The following CORIN variants were observed in gnomAD, a reference collection of about 807,000 sequenced individuals.
CORIN encodes atrial natriuretic peptide-converting enzyme.
CORIN carries 117 observed loss-of-function variants against 125.3 expected under a neutral mutation model. The observed-to-expected ratio is 0.93, with a 90% CI of 0.80 to 1.09. The LOEUF (loss-of-function observed/expected upper bound fraction) is 1.09, where lower values mean the gene tolerates loss of function less well. CORIN is among the 50% of genes least tolerant of loss of function. CORIN has a pLI of 0.00. For missense variants in CORIN, 1,253 were observed against 1,306.7 expected (o/e 0.96, Z 0.63); for synonymous variants, 450 against 466.4 (o/e 0.96, Z 0.45).
chr4:47,683,591 T>C (rs1392856668), intron 7 of CORIN, 140 bp downstream of exon 7: 4 of 607,622 alleles, frequency 6.6e-6, no homozygotes, highest in Admixed American at 3.2e-5. Flanking sequence ...CTGAACAAAC[T>C]TCCTCCTTCT....
intron 6 of CORIN, among the ~76,000 whole-genome samples, chr4:47,687,654 A>G (rs1050514134): frequency 1.3e-5 from 2 of 152,202 alleles, no homozygotes; most frequent in African/African-American, 4.8e-5. Flanking sequence ...TACAGTCTCT[A>G]TGACTATAAA....
At chr4:47,827,901 G>A (rs1732811654) in intron 1 of CORIN, among the ~76,000 whole-genome samples, 1 of 152,120 alleles carries the variant, frequency 6.6e-6, no homozygotes, top group Non-Finnish European at 1.5e-5. Context: ...ACCCATAGCT[G>A]CATACATAGG....
chr4:47,711,145 AC>A (rs1398626299), intron 5 of CORIN, among the ~76,000 whole-genome samples: 1 of 151,686 alleles, frequency 6.6e-6, no homozygotes, highest in East Asian at 1.9e-4. Flanking sequence ...CTCAAACCTG[AC>A]CCCTTGATCA....
intron 5 of CORIN, among the ~76,000 whole-genome samples, chr4:47,738,615 T>G (rs1179316276): frequency 1.3e-5 from 2 of 152,264 alleles, no homozygotes; most frequent in East Asian, 3.9e-4. Flanking sequence ...AGTTGAACAT[T>G]ATATTATTTT....
intron 10 of CORIN, among the ~76,000 whole-genome samples, chr4:47,668,447 C>T (rs2109681265): frequency 6.6e-6 from 1 of 152,346 alleles, no homozygotes; most frequent in South Asian, 2.1e-4. Context: ...CATACCATTC[C>T]TATCACCCTT....
chr4:47,749,320 C>A (rs1728798973), intron 4 of CORIN, among the ~76,000 whole-genome samples: 1 of 152,160 alleles, frequency 6.6e-6, no homozygotes, highest in African/African-American at 2.4e-5. Context: ...GCATTGCTAA[C>A]AGACTCTCTC....
chr4:47,786,218 G>T (rs1246469421), intron 3 of CORIN, among the ~76,000 whole-genome samples: 1 of 152,112 alleles, frequency 6.6e-6, no homozygotes, highest in African/African-American at 2.4e-5. Flanking sequence ...GAACATCTGG[G>T]CTAATGGCAT....
At chr4:47,837,770 A>C (rs1577969017) in intron 1 of CORIN, 117 bp downstream of exon 1, 1 of 910,890 alleles carries the variant, frequency 1.1e-6, no homozygotes, top group East Asian at 2.4e-5. Flanking sequence ...GCGGCTGGGG[A>C]AGGAGGTGGC....
chr4:47,669,497 C>T (rs1303033874), intron 10 of CORIN, among the ~76,000 whole-genome samples: 1 of 151,658 alleles, frequency 6.6e-6, no homozygotes, highest in East Asian at 1.9e-4. Context: ...AGGCAGACAC[C>T]GCAGAAACCT....
At chr4:47,777,834 C>G (rs534787160) in intron 3 of CORIN, among the ~76,000 whole-genome samples, 1 of 152,324 alleles carries the variant, frequency 6.6e-6, no homozygotes, top group African/African-American at 2.4e-5. Flanking sequence ...GCACAAGTAA[C>G]AGCAAACAGA....
chr4:47,728,708 A>C lies in CORIN; in HGVS notation c.799+15694T>G, dbSNP rs1412384776. ...GTAAGACCACAAATGTGGATTTCTG[A>C]TTGTGATTCTGAAATGTGATTCTGA... On this transcript the variant is annotated intron_variant, in intron 5 of 21. Transcript: ENST00000273857. 3.9e-5 allele frequency among the ~76,000 whole-genome samples: 6 copies of C among 152,194 alleles called. No individual in the cohort carries two copies. In the East Asian group the frequency reaches 1.2e-3, roughly 29 times the overall value.
chr4:47,621,622 A>G (rs1164668480), intron 19 of CORIN, among the ~76,000 whole-genome samples: 1 of 152,196 alleles, frequency 6.6e-6, no homozygotes, highest in Non-Finnish European at 1.5e-5. Flanking sequence ...AGTTTGGGGT[A>G]GGTTTTCCCT....
At chr4:47,803,305 A>G (rs1731625917) in intron 2 of CORIN, among the ~76,000 whole-genome samples, 1 of 152,248 alleles carries the variant, frequency 6.6e-6, no homozygotes, top group African/African-American at 2.4e-5. Flanking sequence ...GATTCCATGC[A>G]ATCCCTATCC....
At chr4:47,685,181 T>A (rs1463055301) in intron 6 of CORIN, among the ~76,000 whole-genome samples, 2 of 152,172 alleles carry the variant, frequency 1.3e-5, no homozygotes, top group African/African-American at 4.8e-5. Flanking sequence ...CTACCCAAGA[T>A]AAATTAAACA....
intron 16 of CORIN, among the ~76,000 whole-genome samples, chr4:47,628,976 G>A (rs138461809): frequency 3.7e-4 from 57 of 152,006 alleles, no homozygotes; most frequent in African/African-American, 1.3e-3. Flanking sequence ...TCATATCTTG[G>A]GTATTATGAA....
Position 47,623,659 on chromosome 4 carries a change from AAC to A in CORIN, c.2450_2451del (p.Cys817PhefsTer5). On this transcript the variant is annotated frameshift_variant, in exon 19 of 22. Coordinates refer to ENST00000273857, the MANE Select transcript of CORIN (RefSeq NM_006587.4). LOFTEE classifies it high-confidence loss of function. The part of the protein sequence containing the change: ...TSRPGRWPWQ[C>X]SLQSEPSGHI... ...TGTCCACTGGGTTCACTCTGCAGAGAACACTGCCATGGCCACCTTCCAGGGCG... is the reference window on the plus strand; with the variant it reads ...TGTCCACTGGGTTCACTCTGCAGAGAACTGCCATGGCCACCTTCCAGGGCG... 6.2e-7 allele frequency: 1 copy of A among 1,614,188 alleles called. No individual in the cohort carries two copies. The highest frequency in any genetic ancestry group is 8.5e-7 in the Non-Finnish European group (1 of 1,180,022).
At chr4:47,620,017 GA>G (rs1242751867) in intron 19 of CORIN, among the ~76,000 whole-genome samples, 7 of 152,236 alleles carry the variant, frequency 4.6e-5, no homozygotes, top group Admixed American at 2.6e-4. Flanking sequence ...GTGCTAGTTA[GA>G]TTTTTTTAAT....
At chr4:47,699,509 G>A (rs1274987688) in intron 5 of CORIN, among the ~76,000 whole-genome samples, 1 of 152,180 alleles carries the variant, frequency 6.6e-6, no homozygotes, top group African/African-American at 2.4e-5. Flanking sequence ...CTTCTAGAAT[G>A]CAATTTCCTT....
At chr4:47,615,602 A>T (rs62298032) in intron 19 of CORIN, among the ~76,000 whole-genome samples, 20,838 of 152,208 alleles carry the variant, frequency 0.14, 1,850 homozygotes, top group African/African-American at 0.24. Flanking sequence ...CAAGGAGAAC[A>T]CTGTCTGAAG....
Sources: allele counts gnomAD v4.1 joint callset (sites outside exome capture counted in the v4.1 genomes callset), GRCh38; gene constraint gnomAD v4.1.1; transcripts MANE v1.5; gene names NCBI Gene and HGNC (gene_info 2026-07-23, HGNC 2026-07-21).